The following APAF1 variants were observed in gnomAD, a reference collection of about 807,000 sequenced individuals.
APAF1 encodes the protein apoptotic protease-activating factor 1.
In APAF1, 91 loss-of-function variants were observed where a neutral mutation model predicts 152.4. The ratio of observed to expected loss-of-function variants is 0.60; its 90% confidence interval spans 0.50 to 0.71. The LOEUF (loss-of-function observed/expected upper bound fraction) is 0.71. Among genes scored for constraint, APAF1 ranks in the 30% least tolerant of loss-of-function variants. The pLI, the probability that APAF1 is intolerant of heterozygous loss-of-function variation, is 0.00. For missense variants in APAF1, 1,283 were observed against 1,472.0 expected, an observed-to-expected ratio of 0.87 and a Z score of 2.10; for synonymous variants, 484 against 494.1, an observed-to-expected ratio of 0.98 and a Z score of 0.27.
intron 20 of APAF1, among the ~76,000 whole-genome samples, chr12:98,711,821 C>T (rs2097728203): frequency 6.6e-6 from 1 of 151,292 alleles, no homozygotes; most frequent in African/African-American, 2.4e-5. Flanking sequence ...TCCTCACTGC[C>T]CCAGCTCCAA....
chr12:98,691,481 A>G (rs558503000), intron 16 of APAF1, among the ~76,000 whole-genome samples: 2 of 152,230 alleles, frequency 1.3e-5, no homozygotes, highest in South Asian at 4.1e-4. Flanking sequence ...TTCTTAAGTC[A>G]TCTATACTTG....
intron 14 of APAF1, among the ~76,000 whole-genome samples, chr12:98,682,044 A>ATTTTTTT (rs1201758624): frequency 1.4e-5 from 2 of 141,204 alleles, no homozygotes; most frequent in African/African-American, 5.4e-5. Context: ...ATGATGATTA[A>ATTTTTTT]TTTTTTTGTT....
At chr12:98,729,878 A>G (rs1188979515) in intron 26 of APAF1, among the ~76,000 whole-genome samples, 1 of 152,256 alleles carries the variant, frequency 6.6e-6, no homozygotes, top group Non-Finnish European at 1.5e-5. Flanking sequence ...AAGGGGTACA[A>G]AAATACAGAT....
At chr12:98,724,497 C>T (rs973168461) in intron 24 of APAF1, among the ~76,000 whole-genome samples, 5 of 152,208 alleles carry the variant, frequency 3.3e-5, no homozygotes, top group African/African-American at 1.2e-4. Context: ...TCTGTGCCAG[C>T]CTACTTTCCA....
intron 18 of APAF1, 89 bp downstream of exon 18, chr12:98,703,588 G>C: frequency 2.6e-6 from 4 of 1,529,078 alleles, no homozygotes; most frequent in Non-Finnish European, 3.6e-6. Flanking sequence ...TAACTGCTGA[G>C]GAGCCTTGCT....
At chr12:98,651,454 T>C (rs1224330223) in intron 4 of APAF1, among the ~76,000 whole-genome samples, 1 of 152,210 alleles carries the variant, frequency 6.6e-6, no homozygotes, top group Non-Finnish European at 1.5e-5. Flanking sequence ...ACAATGTTTT[T>C]AAGATTTATC....
intron 7 of APAF1, 101 bp downstream of exon 7, chr12:98,662,907 C>G (rs2097667357): frequency 8.8e-7 from 1 of 1,141,492 alleles, no homozygotes; most frequent in African/African-American, 1.6e-5. Flanking sequence ...CATGAACATC[C>G]AAAAACTTTT....
rs35804742 is a variant in APAF1 at position 98,665,255 on chromosome 12, C to CATATATATATATATATATATATATAT, written c.956-274_956-273insATATATATATATATATATATATATAT. Among the ~76,000 whole-genome samples the CATATATATATATATATATATATATAT allele has an allele frequency of 7.5e-4, 73 of 97,828 alleles. 1 individual carries two copies. The highest frequency in any genetic ancestry group is 8.1e-4 in the Non-Finnish European group (38 of 47,190). The allele number at this position is 97,828 out of a possible 152,430, so 64.2% of individuals were successfully genotyped here. ...TCTCATTATATTGCTTAGACTGGCG[C>CATATATATATATATATATATATATAT]ATATATATATATATATATATATATT... On this transcript the variant is annotated intron_variant, in intron 7 of 26. Transcript: ENST00000551964.
intron 22 of APAF1, among the ~76,000 whole-genome samples, chr12:98,721,406 G>A (rs2097742549): frequency 6.6e-6 from 1 of 152,224 alleles, no homozygotes; most frequent in Non-Finnish European, 1.5e-5. Flanking sequence ...ACTAGGAGGA[G>A]CTGTTCAGCA....
chr12:98,687,451 A>G (rs1031645351), intron 16 of APAF1, among the ~76,000 whole-genome samples: 1 of 151,858 alleles, frequency 6.6e-6, no homozygotes, highest in Non-Finnish European at 1.5e-5. Context: ...TTTCAAGCAT[A>G]TGTTCATAAA....
chr12:98,689,657 C>G (rs536181010), intron 16 of APAF1, among the ~76,000 whole-genome samples: 1 of 152,048 alleles, frequency 6.6e-6, no homozygotes, highest in East Asian at 1.9e-4. Flanking sequence ...GATGGGGCCT[C>G]CCTGTGTTAC....
chr12:98,727,303 G>C lies in APAF1; in HGVS notation c.3587G>C (p.Gly1196Ala), dbSNP rs1225227362. The C allele has an allele frequency of 5.6e-6, 9 of 1,614,100 alleles. No individual in the cohort carries two copies. The South Asian group carries it at 7.7e-5, about 14-fold the overall frequency. ...SPDGKMLISAGGYIKWWNVVT... is the reference protein window; with the variant it reads ...SPDGKMLISAAGYIKWWNVVT... ...GATGGCAAAATGCTTATCTCTGCTG[G>C]AGGATATATTAAGGTAAGAGTTCCC... The change falls in exon 26 of 27, where the codon GGA becomes GCA. Residue 1196 changes from glycine (G) to alanine (A), a missense_variant. Coordinates refer to ENST00000551964, the MANE Select transcript of APAF1 (RefSeq NM_181861.2).
At chr12:98,663,895 G>C (rs1200443645) in intron 7 of APAF1, among the ~76,000 whole-genome samples, 1 of 152,124 alleles carries the variant, frequency 6.6e-6, no homozygotes, top group African/African-American at 2.4e-5. Context: ...CTGACCTCAG[G>C]TGATTGCCCG....
chr12:98,713,385 A>G lies in APAF1; in HGVS notation c.2958+950A>G, dbSNP rs74415043. On this transcript the variant is annotated intron_variant, in intron 21 of 26. Coordinates refer to ENST00000551964, the MANE Select transcript of APAF1 (RefSeq NM_181861.2). Reference sequence around the variant, plus strand: ...TCTTAGAAGCCCAGCCATGTGGGGTATAAGTTGTTTCCATTTCGGTACTGA... The same window carrying G: ...TCTTAGAAGCCCAGCCATGTGGGGTGTAAGTTGTTTCCATTTCGGTACTGA... 9.6e-3 allele frequency among the ~76,000 whole-genome samples: 1,465 copies of G among 152,276 alleles called. 27 individuals carry two copies. The highest frequency in any genetic ancestry group is 0.034 in the African/African-American group (1,400 of 41,548).
rs762608144 is a variant in APAF1 at position 98,680,320 on chromosome 12, C to G, written c.1964C>G (p.Ala655Gly). 5 of 1,613,002 alleles carry G rather than the reference C, an allele frequency of 3.1e-6. No homozygotes were observed. The Admixed American group carries it at 5.0e-5, about 16-fold the overall frequency. The change falls in exon 14 of 27, where the codon GCT becomes GGT. Residue 655 changes from alanine to glycine, a missense_variant. Transcript: ENST00000551964. ...GGAGAGAAACTTCTAGAAATCAAGG[C>G]TCATGAGGATGAAGTGCTTTGTTGT... is the stretch of plus-strand genomic sequence containing the variant. ...ETGEKLLEIK[A>G]HEDEVLCCAF...
Position 98,662,746 on chromosome 12 carries a change from G to C in APAF1, c.895G>C (p.Val299Leu). 1.2e-6 allele frequency: 2 copies of C among 1,612,112 alleles called. No individual in the cohort carries two copies. Among genetic ancestry groups the C allele is most frequent in the Non-Finnish European group, 1.7e-6 (2 of 1,179,108 alleles). Residue 299 changes from valine (V) to leucine (L), a missense_variant, in exon 7 of 27, where the codon GTT becomes CTT. Coordinates refer to ENST00000551964, the MANE Select transcript of APAF1 (RefSeq NM_181861.2). Reference protein sequence around the residue: ...EKGLEILSLFVNMKKADLPEQ... With the variant: ...EKGLEILSLFLNMKKADLPEQ... ...AGGACTTGAAATTTTATCCCTTTTT[G>C]TTAATATGAAGAAGGCAGATTTGCC...
At chr12:98,648,252 T>C (rs1246134286) in intron 1 of APAF1, 67 bp from the exon 2 acceptor site, 6 of 1,374,732 alleles carry the variant, frequency 4.4e-6, no homozygotes, top group Admixed American at 1.9e-5. Context: ...TTCTTGTTTA[T>C]TAGTGAGATT....
chr12:98,665,390 T>G (rs544828742), intron 7 of APAF1, among the ~76,000 whole-genome samples, 163 bp from the exon 8 acceptor site: 20 of 151,534 alleles, frequency 1.3e-4, no homozygotes, highest in African/African-American at 4.4e-4. Flanking sequence ...TCTAATTTTT[T>G]TTGGGATAAA....
At chr12:98,690,102 C>T (rs565098117) in intron 16 of APAF1, among the ~76,000 whole-genome samples, 2 of 152,304 alleles carry the variant, frequency 1.3e-5, no homozygotes, top group South Asian at 4.1e-4. Flanking sequence ...TTGTTAGAAT[C>T]TCTAGGGAAG....
Sources: gnomAD v4.1 joint callset for allele counts (sites outside exome capture counted in the v4.1 genomes callset) on GRCh38, gnomAD v4.1.1 for gene constraint, MANE v1.5 for transcripts, NCBI Gene and HGNC (gene_info 2026-07-23, HGNC 2026-07-21) for gene names.